The following PRKCA variants were observed in gnomAD, a reference collection of about 807,000 sequenced individuals.
PRKCA encodes the protein protein kinase C alpha type.
PRKCA carries 27 observed loss-of-function variants against 87.0 expected under a neutral mutation model. The observed-to-expected ratio is 0.31, with a 90% CI of 0.23 to 0.43. PRKCA has a LOEUF of 0.43. PRKCA is among the 20% of genes least tolerant of loss of function. The pLI, the probability that PRKCA is intolerant of heterozygous loss-of-function variation, is 1.00. For synonymous variants in PRKCA, 329 were observed against 311.1 expected, an observed-to-expected ratio of 1.06 and a Z score of -0.61; for missense variants, 518 against 852.3, an observed-to-expected ratio of 0.61 and a Z score of 4.88.
chr17:66,472,940 C>T (rs1410054197), intron 2 of PRKCA, among the ~76,000 whole-genome samples: 2 of 152,120 alleles, frequency 1.3e-5, no homozygotes, highest in Admixed American at 6.6e-5. Context: ...TAGTCAGAGC[C>T]CTTAAGCATG....
At chr17:66,638,598 A>G (rs12451852) in intron 3 of PRKCA, among the ~76,000 whole-genome samples, 8,123 of 152,244 alleles carry the variant, frequency 0.053, 291 homozygotes, top group Admixed American at 0.077. Context: ...GTCATAGGCC[A>G]AATGCTTTGG....
Position 66,430,571 on chromosome 17 carries a change from G to T in PRKCA, c.206-65630G>T, listed in dbSNP as rs539398781. On this transcript the variant is annotated intron_variant, in intron 2 of 16. Coordinates refer to ENST00000413366, the MANE Select transcript of PRKCA (RefSeq NM_002737.3). ...AAATCTGGGGCATGGGTCTGATGCA[G>T]GTCCTTAGGGGGCCAGCCCTGTGGT... Among the ~76,000 whole-genome samples the T allele has an allele frequency of 2.6e-5, 4 of 152,184 alleles. No individual in the cohort carries two copies. In the East Asian group the frequency reaches 7.8e-4, roughly 30 times the overall value.
intron 13 of PRKCA, among the ~76,000 whole-genome samples, chr17:66,768,263 G>C (rs7214212): frequency 2.7e-5 from 4 of 148,710 alleles, no homozygotes; most frequent in Admixed American, 6.7e-5. Flanking sequence ...TTTTTTTTTG[G>C]GGGGGAGAGA....
At chr17:66,724,322 A>T (rs1223658306) in intron 8 of PRKCA, among the ~76,000 whole-genome samples, 1 of 151,704 alleles carries the variant, frequency 6.6e-6, no homozygotes, top group Non-Finnish European at 1.5e-5. Context: ...CTGAACAGAC[A>T]TCATCAGAGC....
chr17:66,442,372 TAC>T (rs1913816987), intron 2 of PRKCA, among the ~76,000 whole-genome samples: 1 of 152,074 alleles, frequency 6.6e-6, no homozygotes, highest in Non-Finnish European at 1.5e-5. Context: ...ATCATGATGT[TAC>T]AGTCCCCCAG....
At chr17:66,504,726 G>A (rs145563000) in intron 3 of PRKCA, among the ~76,000 whole-genome samples, 7 of 152,156 alleles carry the variant, frequency 4.6e-5, no homozygotes, top group Admixed American at 2.0e-4. Context: ...TCATAAAGAT[G>A]GTGACATTTC....
intron 16 of PRKCA, among the ~76,000 whole-genome samples, chr17:66,795,085 C>A (rs1975636154): frequency 6.6e-6 from 1 of 152,100 alleles, no homozygotes; most frequent in African/African-American, 2.4e-5. Flanking sequence ...GAGTAAGTTG[C>A]AGAGTTAATG....
chr17:66,805,232 T>C lies in PRKCA; in HGVS notation c.*1195T>C, dbSNP rs1976003524. 2.5e-6 allele frequency: 2 copies of C among 805,924 alleles called. No homozygotes were observed. Among genetic ancestry groups the C allele is most frequent in the Admixed American group, 6.2e-5 (1 of 16,002 alleles). 49.9% of individuals were successfully genotyped at this position (805,924 alleles called of 1,614,324 possible). A position where few individuals can be genotyped will look rare whatever the true frequency, so the allele number is the denominator to read the frequency against. ...GGATGCCTAACAGCTCAAAGATGTT[T>C]TGTTAATAGAAGGATTTTAATACGT... On this transcript the variant is annotated 3_prime_UTR_variant, in exon 17 of 17. Coordinates refer to ENST00000413366, the MANE Select transcript of PRKCA (RefSeq NM_002737.3).
chr17:66,440,545 A>G (rs931433376), intron 2 of PRKCA, among the ~76,000 whole-genome samples: 21 of 152,136 alleles, frequency 1.4e-4, no homozygotes, highest in African/African-American at 4.6e-4. Context: ...AAATCCTCAA[A>G]TAGTGACAGA....
intron 3 of PRKCA, among the ~76,000 whole-genome samples, chr17:66,595,891 G>T (rs1364760214): frequency 6.6e-6 from 1 of 152,164 alleles, no homozygotes; most frequent in Admixed American, 6.5e-5. Flanking sequence ...TATTACCACC[G>T]ATCCCATGTT....
In PRKCA at chr17:66,803,016, A is replaced by C. The variant is rs939942423; in HGVS notation, c.1855-857A>C. 5.3e-5 allele frequency among the ~76,000 whole-genome samples: 8 copies of C among 152,080 alleles called. No homozygotes were observed. Among genetic ancestry groups the C allele is most frequent in the African/African-American group, 1.9e-4 (8 of 41,386 alleles). ...CCACTACCCTTGTGGGTGGCTGACA[A>C]GGTGAAGAGAACACTCCTTCCCCAC... On this transcript the variant is annotated intron_variant, in intron 16 of 16. Coordinates refer to ENST00000413366, the MANE Select transcript of PRKCA (RefSeq NM_002737.3). This position sits in a 1 kb window ranked among gnomAD's most constrained non-coding sequence, Gnocchi z 4.4.
intron 3 of PRKCA, among the ~76,000 whole-genome samples, chr17:66,563,927 A>G (rs1470369320): frequency 6.6e-6 from 1 of 152,028 alleles, no homozygotes; most frequent in Non-Finnish European, 1.5e-5. Context: ...TAAAACATTT[A>G]AAAATTGTTG....
chr17:66,776,466 C>T (rs975425953), intron 14 of PRKCA, among the ~76,000 whole-genome samples: 1 of 152,092 alleles, frequency 6.6e-6, no homozygotes, highest in South Asian at 2.1e-4. Flanking sequence ...CCTGCCAACA[C>T]GCTTGGCTAA....
chr17:66,729,338 A>T (rs1468203950), intron 8 of PRKCA, among the ~76,000 whole-genome samples: 3 of 152,216 alleles, frequency 2.0e-5, no homozygotes. Flanking sequence ...CAGGAGGCAG[A>T]GGTTGCAGTG....
intron 8 of PRKCA, among the ~76,000 whole-genome samples, chr17:66,721,004 A>G (rs1414943006): frequency 6.6e-6 from 1 of 152,220 alleles, no homozygotes; most frequent in Non-Finnish European, 1.5e-5. Context: ...AGAAGTCCCA[A>G]TCCAGACCCC....
At chr17:66,406,584 GGTTTTTTTTT>G (rs1567812598) in intron 2 of PRKCA, among the ~76,000 whole-genome samples, 1 of 21,294 alleles carries the variant, frequency 4.7e-5, no homozygotes. Context: ...AGCTTTTCCA[GGTTTTTTTTT>G]TTTTTTTTTT....
chr17:66,543,949 C>G (rs966153497), intron 3 of PRKCA, among the ~76,000 whole-genome samples: 2 of 152,152 alleles, frequency 1.3e-5, no homozygotes, highest in Non-Finnish European at 2.9e-5. Flanking sequence ...CTGTGGCTCA[C>G]GCCTGTAATC....
At chr17:66,416,608 T>C (rs1459962977) in intron 2 of PRKCA, 1 of 152,206 alleles carries the variant, frequency 6.6e-6, no homozygotes, top group Non-Finnish European at 1.5e-5. Flanking sequence ...GTTCAGTCAA[T>C]CCACCCAATA....
At chr17:66,786,274 T>G (rs1975390922) in intron 14 of PRKCA, among the ~76,000 whole-genome samples, 1 of 152,216 alleles carries the variant, frequency 6.6e-6, no homozygotes, top group Admixed American at 6.5e-5. Context: ...CTCAGCCTGG[T>G]AACTGTAAAC....
Sources: gnomAD v4.1 joint callset for allele counts (sites outside exome capture counted in the v4.1 genomes callset) on GRCh38, gnomAD v4.1.1 for gene constraint, Gnocchi (gnomAD v3.1) non-coding constraint, MANE v1.5 for transcripts, NCBI Gene and HGNC (gene_info 2026-07-23, HGNC 2026-07-21) for gene names.